The following GIN1 variants were observed in gnomAD, a reference collection of about 807,000 sequenced individuals.
GIN1 encodes gypsy retrotransposon integrase 1, also known as gypsy retrotransposon integrase-like protein 1.
GIN1 carries 41 observed loss-of-function variants against 51.4 expected under a neutral mutation model. The observed-to-expected ratio is 0.80, with a 90% confidence interval of 0.62 to 1.04. GIN1 has a LOEUF of 1.04. Among genes scored for constraint, GIN1 ranks in the 50% least tolerant of loss-of-function variants. The pLI, the probability that GIN1 is intolerant of heterozygous loss-of-function variation, is 0.00. For missense variants in GIN1, 610 were observed against 612.4 expected (o/e 1.00, Z 0.04); for synonymous variants, 222 against 206.5 (o/e 1.07, Z -0.64).
In GIN1 at chr5:103,096,685, G is replaced by T. The variant is rs782722391; in HGVS notation, c.1150C>A (p.Gln384Lys). Residue 384 changes from glutamine to lysine, a missense_variant, in exon 7 of 8, where the codon CAG (glutamine) becomes AAG (lysine). Transcript: ENST00000399004. ...RKNWWKDGRF[Q>K]SEWVGPCVID... ...ACACAAGGACCAACCCATTCAGACT[G>T]AAAACGACCATCCTTCCACCAATTT... is the stretch of plus-strand genomic sequence containing the variant. The T allele has an allele frequency of 2.5e-6, 4 of 1,613,850 alleles. No homozygotes were observed. Among genetic ancestry groups the T allele is most frequent in the South Asian group, 2.2e-5 (2 of 91,090 alleles).
At chr5:103,096,214 C>T (rs989224782) in intron 7 of GIN1, among the ~76,000 whole-genome samples, 1 of 151,820 alleles carries the variant, frequency 6.6e-6, no homozygotes, top group Non-Finnish European at 1.5e-5. Context: ...ATGGTGGTAT[C>T]CACCTGTAGT....
chr5:103,114,161 A>C (rs1334661883), intron 1 of GIN1, among the ~76,000 whole-genome samples: 1 of 152,150 alleles, frequency 6.6e-6, no homozygotes, highest in South Asian at 2.1e-4. Context: ...GTGTCTTCTA[A>C]CCACTCCAAC....
At chr5:103,115,131 A>G (rs187043085) in intron 1 of GIN1, among the ~76,000 whole-genome samples, 37 of 152,286 alleles carry the variant, frequency 2.4e-4, no homozygotes, top group African/African-American at 8.4e-4. Context: ...AGTAACTGCT[A>G]TGTGCCAGTT....
chr5:103,096,431 T>C (rs927402653), intron 7 of GIN1, 110 bp downstream of exon 7: 13 of 819,900 alleles, frequency 1.6e-5, no homozygotes, highest in Admixed American at 2.4e-5. Context: ...ACAAATTTTA[T>C]GAAGAAGGGA....
rs891739262 is a variant in GIN1 at position 103,112,939 on chromosome 5, T to C, written c.-7-4225A>G. 1.2e-4 allele frequency among the ~76,000 whole-genome samples: 18 copies of C among 152,196 alleles called. No individual in the cohort carries two copies. In the East Asian group the frequency reaches 3.1e-3, roughly 26 times the overall value. Reference sequence around the variant, plus strand: ...AGAGGAAAAGAGGAGGAAATCAGCATTTATACAGTTTAGAGTGGTGTTTTA... The same window carrying C: ...AGAGGAAAAGAGGAGGAAATCAGCACTTATACAGTTTAGAGTGGTGTTTTA... On this transcript the variant is annotated intron_variant, in intron 1 of 7. Coordinates refer to ENST00000399004, the MANE Select transcript of GIN1 (RefSeq NM_017676.2).
chr5:103,115,317 C>T (rs966340870), intron 1 of GIN1, among the ~76,000 whole-genome samples: 12 of 152,100 alleles, frequency 7.9e-5, no homozygotes, highest in African/African-American at 2.9e-4. Flanking sequence ...AAACAAAATA[C>T]GGTGTATATA....
At position 103,106,879 on chromosome 5, in the gene GIN1, CTG is replaced by C; in HGVS notation, c.168_169del (p.Asp56GlufsTer23). 6.3e-7 allele frequency: 1 copy of C among 1,578,014 alleles called. No homozygotes were observed. Among genetic ancestry groups the C allele is most frequent in the Non-Finnish European group, 8.6e-7 (1 of 1,164,104 alleles). ...AACAATTACCAAACGATTTTGTTTT[CTG>C]TCTTTTCCAACATAAAACAGCTTTT... On this transcript the variant is annotated frameshift_variant, in exon 3 of 8. Coordinates refer to ENST00000399004, the MANE Select transcript of GIN1 (RefSeq NM_017676.2). LOFTEE classifies it high-confidence loss of function.
chr5:103,101,784 T>C (rs1182530410), intron 4 of GIN1, among the ~76,000 whole-genome samples: 1 of 152,204 alleles, frequency 6.6e-6, no homozygotes, highest in Non-Finnish European at 1.5e-5. Context: ...GTTGATTGAG[T>C]CAGAATGCTA....
At chr5:103,108,955 G>A (rs562664252) in intron 1 of GIN1, among the ~76,000 whole-genome samples, 1 of 151,964 alleles carries the variant, frequency 6.6e-6, no homozygotes, top group Non-Finnish European at 1.5e-5. Flanking sequence ...GATAAGAAAT[G>A]CTGAAAATTT....
At position 103,097,450 on chromosome 5, in the gene GIN1, C is replaced by A; in HGVS notation, c.872G>T (p.Arg291Leu). 6.3e-7 allele frequency: 1 copy of A among 1,575,062 alleles called. No homozygotes were observed. Among genetic ancestry groups the A allele is most frequent in the Non-Finnish European group, 8.7e-7 (1 of 1,148,128 alleles). The change falls in exon 6 of 8, where the codon CGA (arginine) becomes CTA (leucine). Residue 291 changes from arginine to leucine, a missense_variant. Arg to Leu is a moderately radical substitution (Grantham distance 102, BLOSUM62 -2). Transcript: ENST00000399004. ...KNTPYFQMFS[R>L]NPYMPETSDS... ...TGAAGTCTCAGGCATATAAGGATTT[C>A]GACTAAACATTTGAAAATATGGTGT...
chr5:103,096,308 C>A (rs1226527694), intron 7 of GIN1, among the ~76,000 whole-genome samples: 7 of 151,988 alleles, frequency 4.6e-5, no homozygotes, highest in African/African-American at 1.7e-4. Flanking sequence ...CCATTGCACT[C>A]CAGCTTGGGC....
intron 7 of GIN1, among the ~76,000 whole-genome samples, chr5:103,094,576 G>A (rs1017322109): frequency 6.6e-6 from 1 of 152,098 alleles, no homozygotes; most frequent in Non-Finnish European, 1.5e-5. Context: ...CACAATATTT[G>A]ACTTCTTTTC....
In GIN1 at chr5:103,086,571, T is replaced by C. The variant is rs1787080612; in HGVS notation, c.*1327A>G. 6.6e-6 allele frequency: 1 copy of C among 152,230 alleles called. No individual in the cohort carries two copies. Among genetic ancestry groups the C allele is most frequent in the Non-Finnish European group, 1.5e-5 (1 of 68,048 alleles). The allele number at this position is 152,230 out of a possible 1,614,324, so 9.4% of individuals were successfully genotyped here. The stretch of plus-strand genomic sequence containing the variant: ...GTGTATTACTTCTCCCCTAATTCTT[T>C]TGTATCCATTTACCAAATCCTATAC... On this transcript the variant is annotated 3_prime_UTR_variant, in exon 8 of 8. Coordinates refer to ENST00000399004, the MANE Select transcript of GIN1 (RefSeq NM_017676.2).
chr5:103,106,933 T>C (rs190904619), intron 2 of GIN1, 24 bp from the exon 3 acceptor site: 2 of 1,299,282 alleles, frequency 1.5e-6, no homozygotes, highest in East Asian at 2.5e-5. Context: ...TACCAAAAGA[T>C]AGAATTGCAA....
rs1293748595 is a variant in GIN1, at chr5:103,086,181, T to G, written c.*1717A>C. The G allele has an allele frequency of 6.6e-6, 1 of 152,224 alleles. No individual in the cohort carries two copies. Among genetic ancestry groups the G allele is most frequent in the African/African-American group, 2.4e-5 (1 of 41,450 alleles). 9.4% of individuals were successfully genotyped at this position (152,224 alleles called of 1,614,324 possible). On this transcript the variant is annotated 3_prime_UTR_variant, in exon 8 of 8. Coordinates refer to ENST00000399004, the MANE Select transcript of GIN1 (RefSeq NM_017676.2). ...GGCATATAGAAACATAATCTTAAAC[T>G]CTGCCTTTATCTTCACATGGCATTC...
At chr5:103,091,938 T>C (rs1045455125) in intron 7 of GIN1, among the ~76,000 whole-genome samples, 1 of 151,772 alleles carries the variant, frequency 6.6e-6, no homozygotes, top group African/African-American at 2.4e-5. Context: ...GGTAGGAGAA[T>C]TGCTTGAACC....
intron 6 of GIN1, 23 bp downstream of exon 6, chr5:103,097,291 G>A: frequency 2.8e-6 from 4 of 1,441,448 alleles, no homozygotes; most frequent in Non-Finnish European, 3.8e-6. Flanking sequence ...TTAGATTACA[G>A]TTTTTCTATT....
Position 103,088,052 on chromosome 5 carries a change from A to G in GIN1, c.1415T>C (p.Val472Ala). Residue 472 changes from valine (V) to alanine (A), a missense_variant, in exon 8 of 8, where the codon GTC (valine) becomes GCC (alanine). Physicochemically the swap from Val to Ala is moderately conservative, Grantham distance 64 (BLOSUM62 0). Transcript: ENST00000399004. ...ILVEDATIGI[V>A]DNELLTSSKD... ...GCTTGATGTCAGTAATTCATTATCG[A>G]CTATACCAATAGTTGCATCTTCCAC... The G allele has an allele frequency of 6.2e-7, 1 of 1,611,248 alleles. No homozygotes were observed.
At chr5:103,088,436 G>C (rs1410888616) in intron 7 of GIN1, among the ~76,000 whole-genome samples, 4 of 152,098 alleles carry the variant, frequency 2.6e-5, no homozygotes, top group East Asian at 3.8e-4. Context: ...ACCTGTCTTT[G>C]GTAGATATGT....
Sources: gnomAD v4.1 joint callset for allele counts (sites outside exome capture counted in the v4.1 genomes callset) on GRCh38, gnomAD v4.1.1 for gene constraint, MANE v1.5 for transcripts, NCBI Gene and HGNC (gene_info 2026-07-23, HGNC 2026-07-21) for gene names.